The following SORCS1 variants were observed in gnomAD, a reference collection of about 807,000 sequenced individuals.
The protein encoded by SORCS1 is VPS10 domain-containing receptor SorCS1.
SORCS1 carries 60 observed loss-of-function variants against 146.1 expected under a neutral mutation model. That is an observed-to-expected ratio of 0.41 (90% confidence interval 0.33 to 0.51). The LOEUF is 0.51. Among genes scored for constraint, SORCS1 ranks in the 20% least tolerant of loss-of-function variants. The probability of loss-of-function intolerance (pLI) is 0.21; values close to 1 mark genes in which losing one functional copy is unlikely to be tolerated. For missense variants in SORCS1, 1,352 were observed against 1,487.6 expected (o/e 0.91, Z 1.50); for synonymous variants, 637 against 584.0 (o/e 1.09, Z -1.31).
At chr10:107,013,620 A>C (rs1957772520) in intron 1 of SORCS1, among the ~76,000 whole-genome samples, 1 of 152,106 alleles carries the variant, frequency 6.6e-6, no homozygotes, top group Non-Finnish European at 1.5e-5. Flanking sequence ...AAACCTAAAG[A>C]GCTCTTTAGG....
upstream of SORCS1, among the ~76,000 whole-genome samples, chr10:107,168,119 G>A (rs923767918): frequency 5.3e-5 from 8 of 151,996 alleles, no homozygotes; most frequent in South Asian, 2.1e-4. Flanking sequence ...ATCCTAATAC[G>A]CCAACCATTA....
chr10:106,930,680 T>C (rs1429502912), intron 2 of SORCS1, among the ~76,000 whole-genome samples: 6 of 152,160 alleles, frequency 3.9e-5, no homozygotes, highest in African/African-American at 7.2e-5. Flanking sequence ...TTTGTTTTGG[T>C]TTTTTTCTTC....
chr10:106,796,621 G>C (rs936347279), intron 3 of SORCS1, among the ~76,000 whole-genome samples: 5 of 152,188 alleles, frequency 3.3e-5, no homozygotes, highest in Admixed American at 3.3e-4. Context: ...TCCTGGGAAA[G>C]AGTGAGAGAG....
rs370777459 is a variant in SORCS1, at chr10:106,698,282, GACAA to G, written c.1413+928_1413+931del. On this transcript the variant is annotated intron_variant, in intron 9 of 25. Transcript: ENST00000263054. ...ATACTGGATATACCCTTACTTCTTA[GACAA>G]ACAATCTCTTGACTCACTGCTCTTG... Among the ~76,000 whole-genome samples the G allele has an allele frequency of 4.3e-3, 662 of 152,294 alleles. 1 individual carries two copies. Among genetic ancestry groups the G allele is most frequent in the Non-Finnish European group, 7.3e-3 (496 of 68,020 alleles).
chr10:106,589,336 T>C (rs1022272369), intron 24 of SORCS1, among the ~76,000 whole-genome samples: 1 of 152,192 alleles, frequency 6.6e-6, no homozygotes, highest in African/African-American at 2.4e-5. Context: ...TATTCTGTCT[T>C]AGAAGAGTCA....
At chr10:106,875,075 T>G (rs1007109787) in intron 2 of SORCS1, among the ~76,000 whole-genome samples, 1 of 152,158 alleles carries the variant, frequency 6.6e-6, no homozygotes, top group Non-Finnish European at 1.5e-5. Flanking sequence ...GTAGTGTACA[T>G]CGTACCCAAT....
At chr10:106,852,414 G>A (rs1271778560) in intron 2 of SORCS1, among the ~76,000 whole-genome samples, 1 of 152,016 alleles carries the variant, frequency 6.6e-6, no homozygotes, top group Non-Finnish European at 1.5e-5. Context: ...CGCATCACAA[G>A]GTCAAGAGAT....
intron 1 of SORCS1, among the ~76,000 whole-genome samples, chr10:106,976,333 G>GTTTTTTTTTTTTTTT (rs1554901318): frequency 8.8e-6 from 1 of 113,814 alleles, no homozygotes; most frequent in Non-Finnish European, 1.7e-5. Flanking sequence ...AGGTTTTTTT[G>GTTTTTTTTTTTTTTT]TTTTTTTTTT....
intron 1 of SORCS1, among the ~76,000 whole-genome samples, chr10:107,035,278 AC>A (rs1474907208): frequency 6.0e-4 from 28 of 46,486 alleles, no homozygotes; most frequent in East Asian, 2.9e-3. Flanking sequence ...AAAAAAAACA[AC>A]AAAAAAAAAA....
intron 1 of SORCS1, among the ~76,000 whole-genome samples, chr10:106,973,857 T>C (rs897986795): frequency 1.3e-5 from 2 of 152,228 alleles, no homozygotes; most frequent in African/African-American, 4.8e-5. Context: ...ATTCAAGCAA[T>C]AAATCACTGT....
At chr10:106,841,378 G>A (rs1949033061) in intron 2 of SORCS1, among the ~76,000 whole-genome samples, 1 of 152,034 alleles carries the variant, frequency 6.6e-6, no homozygotes, top group East Asian at 2.0e-4. Flanking sequence ...GCTGAGGTGG[G>A]AGAATTGCTT....
intron 1 of SORCS1, among the ~76,000 whole-genome samples, chr10:107,159,063 T>C (rs1345634588): frequency 6.6e-6 from 1 of 152,246 alleles, no homozygotes; most frequent in East Asian, 1.9e-4. Context: ...GAAGATGTAA[T>C]ACAATAAACC....
intron 1 of SORCS1, among the ~76,000 whole-genome samples, chr10:107,042,389 T>C (rs567297697): frequency 6.6e-6 from 1 of 152,238 alleles, no homozygotes; most frequent in Non-Finnish European, 1.5e-5. Context: ...TCTAGATTTA[T>C]AAAGAGCTTT....
Position 106,809,184 on chromosome 10 carries a change from G to A in SORCS1, c.726+20390C>T, listed in dbSNP as rs570113041. Among the ~76,000 whole-genome samples the A allele has an allele frequency of 5.3e-5, 8 of 151,590 alleles. No individual in the cohort carries two copies. The East Asian group carries it at 5.8e-4, about 11-fold the overall frequency. On this transcript the variant is annotated intron_variant, in intron 3 of 25. Transcript: ENST00000263054. ...TTTTTGTGGTTGTGGGGGGAGGGGCGAGAATGGGGAGTAATAGGTATACAA... is the reference window on the plus strand; with the variant it reads ...TTTTTGTGGTTGTGGGGGGAGGGGCAAGAATGGGGAGTAATAGGTATACAA...
intron 1 of SORCS1, among the ~76,000 whole-genome samples, chr10:107,089,706 G>T (rs1964037531): frequency 6.6e-6 from 1 of 152,278 alleles, no homozygotes. Context: ...GATGCTGTCA[G>T]GCAAAGGCAA....
intron 2 of SORCS1, among the ~76,000 whole-genome samples, chr10:106,922,451 T>G (rs1239444287): frequency 1.3e-5 from 2 of 152,210 alleles, no homozygotes; most frequent in African/African-American, 4.8e-5. Flanking sequence ...CAAAAGCCCG[T>G]TGATAATAAA....
chr10:107,122,565 C>A (rs954408795), intron 1 of SORCS1, among the ~76,000 whole-genome samples: 1 of 152,102 alleles, frequency 6.6e-6, no homozygotes, highest in South Asian at 2.1e-4. Flanking sequence ...ATACAAATAG[C>A]GGTAGCATTT....
intron 2 of SORCS1, among the ~76,000 whole-genome samples, chr10:106,840,290 G>T (rs925496412): frequency 6.6e-6 from 1 of 152,302 alleles, no homozygotes; most frequent in South Asian, 2.1e-4. Flanking sequence ...GAAGTTGGAA[G>T]AACTTAATTC....
chr10:107,010,464 T>C (rs1957650058), intron 1 of SORCS1, among the ~76,000 whole-genome samples: 1 of 152,148 alleles, frequency 6.6e-6, no homozygotes, highest in South Asian at 2.1e-4. Context: ...TCTGAATGAG[T>C]TCTTCCATTT....
Sources: gnomAD v4.1 joint callset for allele counts (sites outside exome capture counted in the v4.1 genomes callset) on GRCh38, gnomAD v4.1.1 for gene constraint, MANE v1.5 for transcripts, NCBI Gene and HGNC (gene_info 2026-07-23, HGNC 2026-07-21) for gene names.